Variants in TM9SF3 observed in about 807,000 individuals in gnomAD.
The protein encoded by TM9SF3 is transmembrane 9 superfamily member 3, also known as SM-11044-binding protein.
TM9SF3 carries 14 observed loss-of-function variants against 78.6 expected under a neutral mutation model. The observed-to-expected ratio is 0.18, with a 90% CI of 0.12 to 0.28. The LOEUF (loss-of-function observed/expected upper bound fraction) is 0.28, where lower values mean the gene tolerates loss of function less well. Among genes scored for constraint, TM9SF3 ranks in the 10% least tolerant of loss-of-function variants. The pLI, the probability that TM9SF3 is intolerant of heterozygous loss-of-function variation, is 1.00. For missense variants in TM9SF3, 496 were observed against 721.9 expected (o/e 0.69, Z 3.59); for synonymous variants, 231 against 241.7 (o/e 0.96, Z 0.41).
At chr10:96,555,525 G>C (rs114272621) in intron 5 of TM9SF3, among the ~76,000 whole-genome samples, 1,659 of 152,218 alleles carry the variant, frequency 0.011, 30 homozygotes, top group African/African-American at 0.037. Flanking sequence ...TGTTAACTTG[G>C]GCTAACGTGC....
intron 5 of TM9SF3, among the ~76,000 whole-genome samples, chr10:96,554,189 C>A (rs1256291837): frequency 2.6e-5 from 4 of 152,298 alleles, no homozygotes; most frequent in African/African-American, 7.2e-5. Flanking sequence ...GTGCCTGGCA[C>A]ATCATAAACA....
intron 1 of TM9SF3, among the ~76,000 whole-genome samples, chr10:96,585,224 G>T (rs1848615683): frequency 6.6e-6 from 1 of 151,984 alleles, no homozygotes; most frequent in African/African-American, 2.4e-5. Context: ...GTTTCATATG[G>T]TAACTTTTCC....
rs1385561939 is a variant in TM9SF3 at position 96,544,099 on chromosome 10, T to C, written c.1162A>G (p.Arg388Gly). The stretch of plus-strand genomic sequence containing the variant: ...ACCATTGTTCCAAAAGGAATGGCTC[T>C]TGAAGCATGGTAATAAATGGCTATG... The part of the protein sequence containing the change: ...NFIAIYYHAS[R>G]AIPFGTMVAV... The change falls in exon 9 of 15, where the codon AGA becomes GGA. Residue 388 changes from arginine (R) to glycine (G), a missense_variant. By Grantham distance (125) the Arg-to-Gly change is moderately radical. Around this residue, in one of 4 missense-constraint regions of TM9SF3, gnomAD observed 280 missense variants for 422.6 expected, o/e 0.66. Transcript: ENST00000371142. 2.5e-6 allele frequency: 4 copies of C among 1,611,870 alleles called. No homozygotes were observed. Among genetic ancestry groups the C allele is most frequent in the Non-Finnish European group, 3.4e-6 (4 of 1,179,332 alleles).
Position 96,576,844 on chromosome 10 carries a change from G to T in TM9SF3, c.103-15C>A. On this transcript the variant is annotated splice_polypyrimidine_tract_variant and intron_variant, in intron 1 of 14. Coordinates refer to ENST00000371142, the MANE Select transcript of TM9SF3 (RefSeq NM_020123.4). ...TTATCTTGATACTGAAACAAGAAAA[G>T]CAAACAAGAATTAAAAAAAAAAAAC... The T allele has an allele frequency of 6.9e-7, 1 of 1,441,660 alleles. No individual in the cohort carries two copies. Among genetic ancestry groups the T allele is most frequent in the Non-Finnish European group, 9.1e-7 (1 of 1,097,386 alleles). 89.3% of individuals were successfully genotyped at this position (1,441,660 alleles called of 1,614,324 possible). A position where few individuals can be genotyped will look rare whatever the true frequency, so the allele number is the denominator to read the frequency against.
At chr10:96,574,012 T>C (rs1317014215) in intron 2 of TM9SF3, among the ~76,000 whole-genome samples, 1 of 152,194 alleles carries the variant, frequency 6.6e-6, no homozygotes, top group African/African-American at 2.4e-5. Flanking sequence ...GACATAGGCA[T>C]GGGCAGACTT....
intron 5 of TM9SF3, among the ~76,000 whole-genome samples, chr10:96,555,746 A>C (rs1185176181): frequency 6.6e-6 from 1 of 152,188 alleles, no homozygotes; most frequent in Non-Finnish European, 1.5e-5. Context: ...ATGTTTGCTC[A>C]AAAAAGGTTA....
At chr10:96,580,604 T>C (rs1290285358) in intron 1 of TM9SF3, among the ~76,000 whole-genome samples, 1 of 152,118 alleles carries the variant, frequency 6.6e-6, no homozygotes, top group Non-Finnish European at 1.5e-5. Flanking sequence ...AAATTTAGAA[T>C]GCCCTCCTTT....
intron 5 of TM9SF3, among the ~76,000 whole-genome samples, chr10:96,557,834 G>C (rs560432067): frequency 6.6e-6 from 1 of 152,106 alleles, no homozygotes; most frequent in Non-Finnish European, 1.5e-5. Flanking sequence ...CAACTTACCC[G>C]ACCCCTGGTA....
chr10:96,530,743 C>A, intron 10 of TM9SF3, 135 bp from the exon 11 acceptor site: 1 of 723,942 alleles, frequency 1.4e-6, no homozygotes, highest in South Asian at 2.3e-5. Context: ...AAATGAAAAG[C>A]CAAAACCCAA....
intron 2 of TM9SF3, among the ~76,000 whole-genome samples, chr10:96,567,461 T>A (rs573956301): frequency 7.2e-5 from 11 of 152,316 alleles, no homozygotes; most frequent in African/African-American, 2.4e-4. Flanking sequence ...CTGATATATC[T>A]GCCTCTACGC....
chr10:96,554,663 G>A (rs1340125824), intron 5 of TM9SF3, among the ~76,000 whole-genome samples: 2 of 151,778 alleles, frequency 1.3e-5, no homozygotes, highest in Admixed American at 6.6e-5. Context: ...TAACACCCTC[G>A]CCCCCACCTC....
intron 9 of TM9SF3, among the ~76,000 whole-genome samples, chr10:96,542,028 T>A (rs1261538758): frequency 6.6e-6 from 1 of 152,210 alleles, no homozygotes; most frequent in Non-Finnish European, 1.5e-5. Flanking sequence ...AATCCCCAAG[T>A]GATTCTAATG....
Position 96,522,239 on chromosome 10 carries a change from A to G in TM9SF3, c.*24T>C. ...ACCCCTATGAAAAAGAAATTGATCCAAAGTTCCAGGTTTTCTTGGGTCTCT... is the reference window on the plus strand; with the variant it reads ...ACCCCTATGAAAAAGAAATTGATCCGAAGTTCCAGGTTTTCTTGGGTCTCT... On this transcript the variant is annotated 3_prime_UTR_variant, in exon 15 of 15. Transcript: ENST00000371142. The G allele has an allele frequency of 2.5e-6, 4 of 1,591,868 alleles. No homozygotes were observed. Among genetic ancestry groups the G allele is most frequent in the Non-Finnish European group, 1.7e-6 (2 of 1,169,888 alleles).
intron 5 of TM9SF3, among the ~76,000 whole-genome samples, chr10:96,553,738 C>T (rs921081219): frequency 6.6e-6 from 1 of 152,142 alleles, no homozygotes; most frequent in Non-Finnish European, 1.5e-5. Flanking sequence ...CCTTTAGTTC[C>T]TCAATGTTCT....
chr10:96,568,869 C>G (rs1848408530), intron 2 of TM9SF3, among the ~76,000 whole-genome samples: 2 of 152,006 alleles, frequency 1.3e-5, no homozygotes, highest in African/African-American at 2.4e-5. Context: ...AGCATCTATG[C>G]TATCTCCTTC....
At chr10:96,526,745 AG>A (rs1336652693) in intron 14 of TM9SF3, among the ~76,000 whole-genome samples, 2 of 152,116 alleles carry the variant, frequency 1.3e-5, no homozygotes, top group Non-Finnish European at 2.9e-5. Flanking sequence ...GCTGTCTCCT[AG>A]GTGTCTCCTG....
At chr10:96,575,202 CCT>C (rs1350936707) in intron 2 of TM9SF3, among the ~76,000 whole-genome samples, 2 of 152,000 alleles carry the variant, frequency 1.3e-5, no homozygotes, top group Non-Finnish European at 2.9e-5. Context: ...CTTGTTGGTT[CCT>C]CTTTAATAAA....
chr10:96,569,920 T>C (rs1236647503), intron 2 of TM9SF3, among the ~76,000 whole-genome samples: 2 of 152,074 alleles, frequency 1.3e-5, no homozygotes, highest in Non-Finnish European at 2.9e-5. Context: ...TAATCCCAGC[T>C]ACCTGGGAGG....
At chr10:96,579,206 G>C (rs1031631633) in intron 1 of TM9SF3, among the ~76,000 whole-genome samples, 1 of 152,198 alleles carries the variant, frequency 6.6e-6, no homozygotes, top group Non-Finnish European at 1.5e-5. Flanking sequence ...TGAAATGACT[G>C]CTATGTACCC....
Sources: allele counts gnomAD v4.1 joint callset (sites outside exome capture counted in the v4.1 genomes callset), GRCh38; gene constraint gnomAD v4.1.1; regional missense constraint gnomAD v4.1.1; transcripts MANE v1.5; gene names NCBI Gene and HGNC (gene_info 2026-07-23, HGNC 2026-07-21).